RPGRIP1L: variants seen among roughly 807,000 people sequenced by gnomAD.
RPGRIP1L encodes the protein protein fantom.
Under a neutral mutation model 160.4 loss-of-function variants are expected in RPGRIP1L, and 131 were observed. The ratio of observed to expected loss-of-function variants is 0.82; its 90% CI spans 0.71 to 0.94. RPGRIP1L has a LOEUF of 0.94. RPGRIP1L is among the 40% of genes least tolerant of loss of function. The pLI is 0.00. For synonymous variants in RPGRIP1L, 510 were observed against 515.8 expected (o/e 0.99, Z 0.15); for missense variants, 1,522 against 1,535.8 (o/e 0.99, Z 0.15).
rs1448318413 is a variant in RPGRIP1L, at chr16:53,692,410, T to A, written c.231-46A>T. On this transcript the variant is annotated intron_variant, in intron 3 of 26. Coordinates refer to ENST00000647211, the MANE Select transcript of RPGRIP1L (RefSeq NM_015272.5). ...TGAAAAGGAATGTGAGAAGTCAGCA[T>A]AAAATCCATTCTGTTGAAAGGAACA... The A allele has an allele frequency of 3.9e-6, 6 of 1,547,316 alleles. No individual in the cohort carries two copies. The South Asian group carries it at 4.5e-5, about 11-fold the overall frequency.
At position 53,649,128 on chromosome 16, in the gene RPGRIP1L, A is replaced by G. The variant is rs1436077189; in HGVS notation, c.2153-13T>C. 2.5e-6 allele frequency: 4 copies of G among 1,612,686 alleles called. No individual in the cohort carries two copies. Among genetic ancestry groups the G allele is most frequent in the Non-Finnish European group, 3.4e-6 (4 of 1,178,828 alleles). The stretch of plus-strand genomic sequence containing the variant: ...TCTCCTTTTGTTCCTACAAATCAGT[A>G]CATAACCCAAGGTTAAAATAGTTTC... On this transcript the variant is annotated splice_polypyrimidine_tract_variant and intron_variant, in intron 15 of 26. Coordinates refer to ENST00000647211, the MANE Select transcript of RPGRIP1L (RefSeq NM_015272.5).
At chr16:53,655,389 C>G (rs1194419222) in intron 14 of RPGRIP1L, 1 of 151,732 alleles carries the variant, frequency 6.6e-6, no homozygotes, top group African/African-American at 2.4e-5. Context: ...AAGTATAACT[C>G]ATGAATAAAG....
rs182207372 is a variant in RPGRIP1L at position 53,692,292 on chromosome 16, C to T, written c.303G>A (p.Arg101=). 24 of 1,614,128 alleles carry T rather than the reference C, an allele frequency of 1.5e-5. No homozygotes were observed. In the East Asian group the frequency reaches 5.3e-4, roughly 36 times the overall value. ...RYERVGGGPK[R]LGRDVEMEEM... ...CTTCCATTTCCACATCTCGTCCCAG[C>T]CGCTTGGGGCCGCCACCAACCCGCT... is the stretch of plus-strand genomic sequence containing the variant. Residue 101 remains arginine, a synonymous_variant, in exon 4 of 27, where the codon CGG becomes CGA. Coordinates refer to ENST00000647211, the MANE Select transcript of RPGRIP1L (RefSeq NM_015272.5).
In RPGRIP1L at chr16:53,598,276, GAAA is replaced by G. The variant is rs369907290; in HGVS notation, c.*3797_*3799del. On this transcript the variant is annotated 3_prime_UTR_variant, in exon 27 of 27. Transcript: ENST00000647211. ...ATAGAGTGAGAAGAGGCAAAAAGCA[GAAA>G]AGTCAAACAGCATCTACCTCAGAAA... 2.3e-4 allele frequency: 35 copies of G among 152,230 alleles called. No individual in the cohort carries two copies. The highest frequency in any genetic ancestry group is 7.9e-4 in the African/African-American group (33 of 41,558). The allele number at this position is 152,230 out of a possible 1,614,324, so 9.4% of individuals were successfully genotyped here.
intron 6 of RPGRIP1L, among the ~76,000 whole-genome samples, chr16:53,685,824 T>C (rs1422399063): frequency 6.6e-6 from 1 of 152,148 alleles, no homozygotes; most frequent in Non-Finnish European, 1.5e-5. Context: ...CATTTATCTA[T>C]GTAACAAACC....
At position 53,687,933 on chromosome 16, in the gene RPGRIP1L, T is replaced by C. The variant is rs761917499; in HGVS notation, c.562A>G (p.Thr188Ala). Reference protein sequence around the residue: ...IKFQDADVAETPHPMFTKYGN... With the variant: ...IKFQDADVAEAPHPMFTKYGN... ...TATTTTGTAAACATGGGATGTGGAG[T>C]TTCTGCTACATCTGCATCTTGGAAT... The change falls in exon 5 of 27, where the codon ACT becomes GCT. Residue 188 changes from threonine (T) to alanine (A), a missense_variant. By Grantham distance (58) the Thr-to-Ala change is moderately conservative. Transcript: ENST00000647211. The C allele has an allele frequency of 5.0e-6, 8 of 1,610,376 alleles. No homozygotes were observed. The highest frequency in any genetic ancestry group is 6.8e-6 in the Non-Finnish European group (8 of 1,177,150).
chr16:53,657,369 C>G (rs1038307206), intron 13 of RPGRIP1L, 84 bp downstream of exon 13: 1 of 891,404 alleles, frequency 1.1e-6, no homozygotes, highest in East Asian at 2.6e-5. Context: ...TAATAGATAA[C>G]AGGTGATAAC....
intron 16 of RPGRIP1L, among the ~76,000 whole-genome samples, chr16:53,647,332 A>C (rs1046533546): frequency 6.6e-6 from 1 of 152,222 alleles, no homozygotes; most frequent in African/African-American, 2.4e-5. Context: ...CACGGAATAC[A>C]TAGTAGAAAT....
intron 22 of RPGRIP1L, among the ~76,000 whole-genome samples, chr16:53,626,905 T>C (rs13336420): frequency 0.049 from 7,524 of 152,058 alleles, 618 homozygotes; most frequent in African/African-American, 0.17. Flanking sequence ...AGATGGACAC[T>C]ATGTGTTATG....
At chr16:53,694,033 T>C (rs1308065200) in intron 3 of RPGRIP1L, 1 of 152,230 alleles carries the variant, frequency 6.6e-6, no homozygotes, top group Non-Finnish European at 1.5e-5. Flanking sequence ...GAAACATGAT[T>C]GCATCTGTTT....
intron 25 of RPGRIP1L, among the ~76,000 whole-genome samples, chr16:53,608,397 A>G (rs932640236): frequency 6.6e-6 from 1 of 152,152 alleles, no homozygotes; most frequent in African/African-American, 2.4e-5. Flanking sequence ...TCTGTCTATT[A>G]TCATCATCTG....
At chr16:53,619,350 A>C in intron 23 of RPGRIP1L, 142 bp from the exon 24 acceptor site, 1 of 700,636 alleles carries the variant, frequency 1.4e-6, no homozygotes, top group Non-Finnish European at 2.5e-6. Context: ...ACACTACTGT[A>C]TGTTACACAT....
chr16:53,659,980 T>C (rs1967635350), intron 10 of RPGRIP1L: 1 of 152,120 alleles, frequency 6.6e-6, no homozygotes, highest in Non-Finnish European at 1.5e-5. Flanking sequence ...GGAATAATGG[T>C]TATGCTTGTC....
chr16:53,642,139 T>G (rs954556068), intron 17 of RPGRIP1L, among the ~76,000 whole-genome samples: 7 of 151,960 alleles, frequency 4.6e-5, no homozygotes, highest in African/African-American at 1.7e-4. Flanking sequence ...ACTGGATTTT[T>G]GGGTATAAAA....
chr16:53,671,227 A>G (rs1316462372), intron 9 of RPGRIP1L, among the ~76,000 whole-genome samples: 1 of 152,210 alleles, frequency 6.6e-6, no homozygotes, highest in Non-Finnish European at 1.5e-5. Flanking sequence ...TAGAGTATCT[A>G]GCATGGTGTC....
At chr16:53,668,136 A>G (rs2151216854) in intron 9 of RPGRIP1L, among the ~76,000 whole-genome samples, 1 of 151,930 alleles carries the variant, frequency 6.6e-6, no homozygotes, top group South Asian at 2.1e-4. Flanking sequence ...TTACATCAGG[A>G]TATTTCACTT....
chr16:53,622,699 A>T (rs1203399532), intron 22 of RPGRIP1L, among the ~76,000 whole-genome samples: 1 of 151,838 alleles, frequency 6.6e-6, no homozygotes, highest in African/African-American at 2.4e-5. Flanking sequence ...GAGGAGGGGC[A>T]GATTGCTTAA....
At chr16:53,628,364 G>C (rs999251411) in intron 22 of RPGRIP1L, 1 of 152,126 alleles carries the variant, frequency 6.6e-6, no homozygotes, top group Non-Finnish European at 1.5e-5. Flanking sequence ...CCATATGTAA[G>C]TAGGGTAGGA....
At chr16:53,635,301 T>G (rs1965773174) in intron 22 of RPGRIP1L, 1 of 152,134 alleles carries the variant, frequency 6.6e-6, no homozygotes, top group African/African-American at 2.4e-5. Flanking sequence ...ATAGATTGGA[T>G]GCTGTTATTG....
Sources: gnomAD v4.1 joint callset for allele counts (sites outside exome capture counted in the v4.1 genomes callset) on GRCh38, gnomAD v4.1.1 for gene constraint, MANE v1.5 for transcripts, NCBI Gene and HGNC (gene_info 2026-07-23, HGNC 2026-07-21) for gene names.